The following FGD1 variants were observed in gnomAD, a reference collection of about 807,000 sequenced individuals.
FGD1 encodes FYVE, RhoGEF and PH domain containing 1.
Under a neutral mutation model 65.0 loss-of-function variants are expected in FGD1, and 12 were observed. The ratio of observed to expected loss-of-function variants is 0.18; its 90% confidence interval spans 0.12 to 0.30. The LOEUF (loss-of-function observed/expected upper bound fraction) is 0.30. Among genes scored for constraint, FGD1 ranks in the 10% least tolerant of loss-of-function variants. FGD1 has a pLI of 1.00. For synonymous variants in FGD1, 333 were observed against 343.9 expected (o/e 0.97, Z 0.35); for missense variants, 542 against 837.6 (o/e 0.65, Z 4.36).
Position 54,449,124 on chromosome X carries a change from C to G in FGD1, c.2274+19G>C, listed in dbSNP as rs374192869. On this transcript the variant is annotated intron_variant, in intron 15 of 17. Transcript: ENST00000375135. ...ATTCTGTCCCCTCCCTAGCTCTGCC[C>G]CTGCCTCCCAACACTCACATGCCCG... 600 of 1,210,676 alleles carry G rather than the reference C, an allele frequency of 5.0e-4. 1 individual carries two copies. Among genetic ancestry groups the G allele is most frequent in the Non-Finnish European group, 6.3e-4 (563 of 895,273 alleles).
chrX:54,446,172 C>T lies in FGD1; in HGVS notation c.2823G>A (p.Pro941=), dbSNP rs201361000. 5.8e-5 allele frequency: 70 copies of T among 1,209,250 alleles called. No individual in the cohort carries two copies. The highest frequency in any genetic ancestry group is 1.4e-4 in the South Asian group (8 of 56,637). The change falls in exon 18 of 18, where the codon CCG becomes CCA. Residue 941 remains proline, a synonymous_variant. Transcript: ENST00000375135. ...CAGCAGTGGCTCCTAAAGCAGCCACCGGTGCCTCCTCCATCTCCCTGTCCT... is the reference window on the plus strand; with the variant it reads ...CAGCAGTGGCTCCTAAAGCAGCCACTGGTGCCTCCTCCATCTCCCTGTCCT... ...LSEDREMEEA[P]VAALGATAEP... is the part of the protein sequence containing the mutation.
intron 1 of FGD1, among the ~76,000 whole-genome samples, chrX:54,485,816 C>A (rs1923258810): frequency 9.2e-6 from 1 of 109,156 alleles, no homozygotes; most frequent in Non-Finnish European, 1.9e-5. Context: ...CGCTCTGTTG[C>A]CAGACTGGAG....
Position 54,495,316 on chromosome X carries a change from TTCCGAGGCTCCAGGG to T in FGD1, c.102_116del (p.Asp34_Ser38del). Reference sequence around the variant, plus strand: ...AGCCCCTGCGCGCCAGCAGTCCGGGTTCCGAGGCTCCAGGGTCCGAGTCGGCACAGGCCGGCGGAG... The same window carrying T: ...AGCCCCTGCGCGCCAGCAGTCCGGGTTCCGAGTCGGCACAGGCCGGCGGAG... On this transcript the variant is annotated inframe_deletion, in exon 1 of 18. Transcript: ENST00000375135. 1 of 1,171,981 alleles carries T rather than the reference TTCCGAGGCTCCAGGG, an allele frequency of 8.5e-7. No homozygotes were observed. Among genetic ancestry groups the T allele is most frequent in the Non-Finnish European group, 1.1e-6 (1 of 877,687 alleles).
intron 12 of FGD1, among the ~76,000 whole-genome samples, chrX:54,451,207 G>A (rs1159530057): frequency 1.8e-5 from 2 of 111,133 alleles, no homozygotes; most frequent in Non-Finnish European, 3.8e-5. Flanking sequence ...TGGCACACTC[G>A]ATGCTCAATC....
chrX:54,491,659 C>T (rs1923415086), intron 1 of FGD1, among the ~76,000 whole-genome samples: 1 of 112,435 alleles, frequency 8.9e-6, no homozygotes, highest in African/African-American at 3.2e-5. Context: ...GGCTGTGCAT[C>T]ACAATCACCT....
At chrX:54,449,319 T>C in intron 14 of FGD1, 51 bp from the exon 15 acceptor site, 1 of 1,198,418 alleles carries the variant, frequency 8.3e-7, no homozygotes, top group Non-Finnish European at 1.1e-6. Context: ...CCCAGCCCAG[T>C]CCAGCCAGCC....
chrX:54,469,852 G>A, intron 4 of FGD1, among the ~76,000 whole-genome samples, 164 bp downstream of exon 4: 1 of 111,973 alleles, frequency 8.9e-6, no homozygotes, highest in Non-Finnish European at 1.9e-5. Flanking sequence ...AGGAAACTGA[G>A]GCTTATGGTA....
intron 15 of FGD1, 36 bp downstream of exon 15, chrX:54,449,107 C>T (rs770106297): frequency 8.3e-7 from 1 of 1,211,665 alleles, no homozygotes; most frequent in Non-Finnish European, 1.1e-6. Flanking sequence ...CCATTCTGTC[C>T]CCTCCCTAGC....
rs1411379917 is a variant in FGD1 at position 54,445,975 on chromosome X, C to T, written c.*134G>A. On this transcript the variant is annotated 3_prime_UTR_variant, in exon 18 of 18. Coordinates refer to ENST00000375135, the MANE Select transcript of FGD1 (RefSeq NM_004463.3). ...AAGATGAATTAAAAAACCCAAGACC[C>T]AGCATTCGGGATTGAAAGTGCCCGT... 5 of 477,618 alleles carry T rather than the reference C, an allele frequency of 1.0e-5. No homozygotes were observed. 39.4% of individuals were successfully genotyped at this position (477,618 alleles called of 1,213,427 possible).
At position 54,445,666 on chromosome X, in the gene FGD1, C is replaced by T; in HGVS notation, c.*443G>A. 1 of 128,327 alleles carries T rather than the reference C, an allele frequency of 7.8e-6. No individual in the cohort carries two copies. The allele number at this position is 128,327 out of a possible 1,213,427, so 10.6% of individuals were successfully genotyped here. A position where few individuals can be genotyped will look rare whatever the true frequency, so the allele number is the denominator to read the frequency against. On this transcript the variant is annotated 3_prime_UTR_variant, in exon 18 of 18. Transcript: ENST00000375135. ...GGCAGGAGAGGTCTAGTTGCCACCC[C>T]ACGTGGAGTTGTACGTGTGAAGACA...
At chrX:54,486,474 T>C (rs1601960849) in intron 1 of FGD1, among the ~76,000 whole-genome samples, 1 of 111,484 alleles carries the variant, frequency 9.0e-6, no homozygotes. Context: ...TCTCGATCTC[T>C]TGACCTTGTG....
Position 54,495,819 on chromosome X carries a change from C to T in FGD1, c.-387G>A, listed in dbSNP as rs1417318547. ...CTCTCCGGTGGACGGCGAGCCACTT[C>T]CGTGGCCCCGGGGCGAGAAGTCGGT... is the stretch of plus-strand genomic sequence containing the variant. On this transcript the variant is annotated 5_prime_UTR_variant, in exon 1 of 18. Transcript: ENST00000375135. 9.0e-6 allele frequency: 1 copy of T among 111,385 alleles called. No individual in the cohort carries two copies. The highest frequency in any genetic ancestry group is 1.9e-5 in the Non-Finnish European group (1 of 52,793). 9.2% of individuals were successfully genotyped at this position (111,385 alleles called of 1,213,427 possible). A position where few individuals can be genotyped will look rare whatever the true frequency, so the allele number is the denominator to read the frequency against.
chrX:54,495,593 C>T lies in FGD1; in HGVS notation c.-161G>A, dbSNP rs1315329042. On this transcript the variant is annotated 5_prime_UTR_variant, in exon 1 of 18. Coordinates refer to ENST00000375135, the MANE Select transcript of FGD1 (RefSeq NM_004463.3). Reference sequence around the variant, plus strand: ...ACTGCAGAGACTCAAGCCCCCAGCCCGGGCCCGGGCCAGCAGCCGTGGCAG... The same window carrying T: ...ACTGCAGAGACTCAAGCCCCCAGCCTGGGCCCGGGCCAGCAGCCGTGGCAG... 1.1e-5 allele frequency: 3 copies of T among 261,315 alleles called. No individual in the cohort carries two copies. The highest frequency in any genetic ancestry group is 7.1e-5 in the Admixed American group (1 of 14,161). 21.5% of individuals were successfully genotyped at this position (261,315 alleles called of 1,213,427 possible). A position where few individuals can be genotyped will look rare whatever the true frequency, so the allele number is the denominator to read the frequency against.
intron 16 of FGD1, among the ~76,000 whole-genome samples, chrX:54,448,307 C>T (rs1199041982): frequency 9.1e-6 from 1 of 110,485 alleles, no homozygotes; most frequent in African/African-American, 3.3e-5. Flanking sequence ...TGCCTCAGCC[C>T]TCCCAAGTAG....
chrX:54,446,397 G>A lies in FGD1; in HGVS notation c.2598C>T (p.Arg866=). ...CCTCGAAGCCAATGAGGGGCAGGCTGCGCTGGGCTTTCACATCCTGGCGGG... is the reference window on the plus strand; with the variant it reads ...CCTCGAAGCCAATGAGGGGCAGGCTACGCTGGGCTTTCACATCCTGGCGGG... ...YGAPQDVKAQ[R]SLPLIGFEVG... Residue 866 remains arginine (R), a synonymous_variant, in exon 18 of 18, where the codon CGC becomes CGT. Coordinates refer to ENST00000375135, the MANE Select transcript of FGD1 (RefSeq NM_004463.3). The A allele has an allele frequency of 1.7e-6, 2 of 1,210,066 alleles. No individual in the cohort carries two copies. Among genetic ancestry groups the A allele is most frequent in the Non-Finnish European group, 2.2e-6 (2 of 894,693 alleles).
Position 54,457,800 on chromosome X carries a change from G to C in FGD1, c.1637-1233C>G, listed in dbSNP as rs768526469. On this transcript the variant is annotated intron_variant, in intron 8 of 17. Coordinates refer to ENST00000375135, the MANE Select transcript of FGD1 (RefSeq NM_004463.3). ...CTGTAATTTCCATATTTCCTATAGT[G>C]ACCAGGTATCATCAAAAAAAAAAAA... Among the ~76,000 whole-genome samples the C allele has an allele frequency of 2.8e-5, 3 of 105,715 alleles. No homozygotes were observed. The South Asian group carries it at 1.3e-3, about 45-fold the overall frequency. 91.8% of individuals were successfully genotyped at this position (105,715 alleles called of 115,157 possible). A position where few individuals can be genotyped will look rare whatever the true frequency, so the allele number is the denominator to read the frequency against.
intron 8 of FGD1, among the ~76,000 whole-genome samples, chrX:54,457,600 A>G (rs1272690815): frequency 9.0e-6 from 1 of 111,649 alleles, no homozygotes; most frequent in African/African-American, 3.3e-5. Context: ...AATCTGGGAA[A>G]TGCTCAGGGT....
chrX:54,448,764 A>AT (rs1922303897), intron 16 of FGD1, 42 bp downstream of exon 16: 1 of 1,196,832 alleles, frequency 8.4e-7, no homozygotes, highest in Admixed American at 2.2e-5. Flanking sequence ...GTTGGAACCC[A>AT]TTTGCCCACT....
intron 17 of FGD1, 21 bp from the exon 18 acceptor site, chrX:54,446,435 G>A (rs372857361): frequency 2.7e-4 from 323 of 1,196,187 alleles, no homozygotes; most frequent in South Asian, 6.7e-4. Context: ...GAGGGACAGA[G>A]CTGGGGCCAC....
Sources: allele counts gnomAD v4.1 joint callset (sites outside exome capture counted in the v4.1 genomes callset), GRCh38; gene constraint gnomAD v4.1.1; transcripts MANE v1.5; gene names NCBI Gene and HGNC (gene_info 2026-07-23, HGNC 2026-07-21).